The following ISX variants were observed in gnomAD, a reference collection of about 807,000 sequenced individuals.
ISX encodes intestine-specific homeobox.
ISX carries 15 observed loss-of-function variants against 16.9 expected under a neutral mutation model. The observed-to-expected ratio is 0.89, with a 90% CI of 0.59 to 1.36. The LOEUF (loss-of-function observed/expected upper bound fraction) is 1.36, where lower values mean the gene tolerates loss of function less well. Ranked by LOEUF, ISX falls within the 40% of genes most tolerant of loss-of-function variation. The pLI is 0.00. For missense variants in ISX, 316 were observed against 306.1 expected, an observed-to-expected ratio of 1.03 and a Z score of -0.24; for synonymous variants, 125 against 119.7, an observed-to-expected ratio of 1.04 and a Z score of -0.29.
Position 35,070,203 on chromosome 22 carries a change from C to A in ISX, c.229+2887C>A, listed in dbSNP as rs1275351482. Among the ~76,000 whole-genome samples the A allele has an allele frequency of 3.3e-5, 5 of 152,336 alleles. No individual in the cohort carries two copies. In the East Asian group the frequency reaches 9.6e-4, roughly 29 times the overall value. Reference sequence around the variant, plus strand: ...AGGTCCCCCCTGACATCTTCCCATTCCTGCAGGGACCTTCATGATCTATAG... The same window carrying A: ...AGGTCCCCCCTGACATCTTCCCATTACTGCAGGGACCTTCATGATCTATAG... On this transcript the variant is annotated intron_variant, in intron 2 of 4. Coordinates refer to ENST00000404699, the MANE Select transcript of ISX (RefSeq NM_001303508.2).
chr22:35,082,778 G>A, intron 3 of ISX, 109 bp downstream of exon 3: 1 of 1,139,942 alleles, frequency 8.8e-7, no homozygotes, highest in East Asian at 2.5e-5. Flanking sequence ...GTTTCTGTTG[G>A]CTTTATCCTG....
At chr22:35,071,015 T>G (rs771608304) in intron 2 of ISX, among the ~76,000 whole-genome samples, 1 of 152,176 alleles carries the variant, frequency 6.6e-6, no homozygotes, top group African/African-American at 2.4e-5. Context: ...CAGGCCAGAT[T>G]TGGCCCTCAT....
Position 35,085,715 on chromosome 22 carries a change from A to G in ISX, c.*22A>G. 1 of 1,613,800 alleles carries G rather than the reference A, an allele frequency of 6.2e-7. No individual in the cohort carries two copies. Among genetic ancestry groups the G allele is most frequent in the South Asian group, 1.1e-5 (1 of 91,070 alleles). Reference sequence around the variant, plus strand: ...ATAGAGATTGGACATGCTCTCCCCAAATGAGCCACTTTCCTCTCCAGGTGA... The same window carrying G: ...ATAGAGATTGGACATGCTCTCCCCAGATGAGCCACTTTCCTCTCCAGGTGA... On this transcript the variant is annotated 3_prime_UTR_variant, in exon 5 of 5. Transcript: ENST00000404699.
At position 35,067,190 on chromosome 22, in the gene ISX, G is replaced by T. The variant is rs1486327154; in HGVS notation, c.103G>T (p.Ala35Ser). 1 of 1,612,400 alleles carries T rather than the reference G, an allele frequency of 6.2e-7. No individual in the cohort carries two copies. The highest frequency in any genetic ancestry group is 8.5e-7 in the Non-Finnish European group (1 of 1,179,188). Reference protein sequence around the residue: ...KKLSLSFSIEAILKRPARRSD... With the variant: ...KKLSLSFSIESILKRPARRSD... Reference sequence around the variant, plus strand: ...GCTGAGCCTGTCCTTCTCCATTGAGGCGATCCTAAAGAGGCCTGCCAGGAG... The same window carrying T: ...GCTGAGCCTGTCCTTCTCCATTGAGTCGATCCTAAAGAGGCCTGCCAGGAG... Residue 35 changes from alanine (A) to serine (S), a missense_variant, in exon 2 of 5, where the codon GCG becomes TCG. Transcript: ENST00000404699.
chr22:35,085,754 A>C lies in ISX; in HGVS notation c.*61A>C. 1 of 1,607,294 alleles carries C rather than the reference A, an allele frequency of 6.2e-7. No individual in the cohort carries two copies. Among genetic ancestry groups the C allele is most frequent in the East Asian group, 2.2e-5 (1 of 44,816 alleles). ...CTCTCCAGGTGAAGGCAGGTAGCAG[A>C]TGTGCCCTGGGCCTCTGGGGAAATC... On this transcript the variant is annotated 3_prime_UTR_variant, in exon 5 of 5. Coordinates refer to ENST00000404699, the MANE Select transcript of ISX (RefSeq NM_001303508.2).
chr22:35,076,673 A>G (rs896483561), intron 2 of ISX, among the ~76,000 whole-genome samples: 2 of 152,226 alleles, frequency 1.3e-5, no homozygotes, highest in Non-Finnish European at 2.9e-5. Flanking sequence ...ACCAGGACCA[A>G]TTAGCAGACC....
At chr22:35,074,076 T>A (rs548868507) in intron 2 of ISX, among the ~76,000 whole-genome samples, 3 of 152,282 alleles carry the variant, frequency 2.0e-5, no homozygotes, top group African/African-American at 7.2e-5. Flanking sequence ...CCAGAACCAA[T>A]AATGTCATCA....
intron 2 of ISX, among the ~76,000 whole-genome samples, chr22:35,074,020 C>T (rs911612548): frequency 7.2e-5 from 11 of 152,160 alleles, no homozygotes; most frequent in Non-Finnish European, 1.5e-4. Context: ...CCAGACTAAG[C>T]CAGGTGAAGG....
intron 2 of ISX, among the ~76,000 whole-genome samples, chr22:35,071,752 G>A (rs1342444649): frequency 1.3e-5 from 2 of 152,234 alleles, no homozygotes; most frequent in Admixed American, 6.5e-5. Flanking sequence ...AGAAGCAGCA[G>A]AAAGGACCCC....
At position 35,086,512 on chromosome 22, in the gene ISX, C is replaced by T. The variant is rs542126570; in HGVS notation, c.*819C>T. The T allele has an allele frequency of 4.6e-5, 7 of 152,392 alleles. No homozygotes were observed. In the East Asian group the frequency reaches 1.2e-3, roughly 25 times the overall value. The allele number at this position is 152,392 out of a possible 1,614,324, so 9.4% of individuals were successfully genotyped here. On this transcript the variant is annotated 3_prime_UTR_variant, in exon 5 of 5. Transcript: ENST00000404699. ...ATATGAAAAGGGACCAGCTGGAAGA[C>T]TAGCCTCACTCTGTCCTCGAAAGCC...
At chr22:35,067,847 C>T (rs1406846168) in intron 2 of ISX, among the ~76,000 whole-genome samples, 1 of 152,158 alleles carries the variant, frequency 6.6e-6, no homozygotes, top group Non-Finnish European at 1.5e-5. Flanking sequence ...TGAAGCTTTG[C>T]CCAGGGGCCG....
rs1166635342 is a variant in ISX, at chr22:35,082,527, A to G, written c.239A>G (p.Lys80Arg). The G allele has an allele frequency of 3.1e-6, 5 of 1,614,048 alleles. No homozygotes were observed. Among genetic ancestry groups the G allele is most frequent in the Non-Finnish European group, 3.4e-6 (4 of 1,179,948 alleles). Residue 80 changes from lysine (K) to arginine (R), a missense_variant, in exon 3 of 5, where the codon AAG becomes AGG. By Grantham distance (26) the Lys-to-Arg change is conservative (BLOSUM62 2). Transcript: ENST00000404699. The part of the protein sequence containing the change: ...PPKDQPQEGR[K>R]SKRRVRTTFT... Reference sequence around the variant, plus strand: ...ACCCTCTCCCATGCAGAAGGAAGGAAGAGCAAGCGGAGGGTTCGTACCACC... The same window carrying G: ...ACCCTCTCCCATGCAGAAGGAAGGAGGAGCAAGCGGAGGGTTCGTACCACC...
At chr22:35,075,372 G>T (rs1159719413) in intron 2 of ISX, among the ~76,000 whole-genome samples, 1 of 152,180 alleles carries the variant, frequency 6.6e-6, no homozygotes, top group Admixed American at 6.5e-5. Flanking sequence ...CAAGAACTTT[G>T]GCCTTTATAT....
intron 2 of ISX, among the ~76,000 whole-genome samples, chr22:35,071,730 C>A (rs1226707493): frequency 6.6e-6 from 1 of 152,216 alleles, no homozygotes; most frequent in Non-Finnish European, 1.5e-5. Context: ...AGTGCTATCT[C>A]AGGAGACTGG....
chr22:35,076,039 A>ATTTT (rs536527092), intron 2 of ISX, among the ~76,000 whole-genome samples: 21 of 151,846 alleles, frequency 1.4e-4, no homozygotes, highest in African/African-American at 4.8e-4. Flanking sequence ...CTCATAGAAA[A>ATTTT]TTTTTTTTTA....
chr22:35,076,576 G>A (rs1216100872), intron 2 of ISX, among the ~76,000 whole-genome samples: 1 of 152,150 alleles, frequency 6.6e-6, no homozygotes, highest in East Asian at 1.9e-4. Context: ...GTCCTCCATG[G>A]TGAACCCACT....
At chr22:35,071,713 C>T (rs1249851630) in intron 2 of ISX, among the ~76,000 whole-genome samples, 1 of 152,162 alleles carries the variant, frequency 6.6e-6, no homozygotes, top group Non-Finnish European at 1.5e-5. Context: ...AGAGAAAGGG[C>T]CTCTTCAGTG....
chr22:35,081,323 GTA>G (rs1929118618), intron 2 of ISX, among the ~76,000 whole-genome samples: 1 of 152,204 alleles, frequency 6.6e-6, no homozygotes, highest in Non-Finnish European at 1.5e-5. Context: ...GGTCAACAAA[GTA>G]TTGGAGGCAG....
rs535302186 is a variant in ISX at position 35,067,225 on chromosome 22, G to A, written c.138G>A (p.Met46Ile). ...AGAGGCCTGCCAGGAGGAGTGATATGGACAGACCAGAAGGGCCAGGTGAAG... is the reference window on the plus strand; with the variant it reads ...AGAGGCCTGCCAGGAGGAGTGATATAGACAGACCAGAAGGGCCAGGTGAAG... ...ILKRPARRSD[M>I]DRPEGPGEEG... The change falls in exon 2 of 5, where the codon ATG (methionine) becomes ATA (isoleucine). Residue 46 changes from methionine (M) to isoleucine (I), a missense_variant. Physicochemically the swap from Met to Ile is conservative, Grantham distance 10 (BLOSUM62 1). Coordinates refer to ENST00000404699, the MANE Select transcript of ISX (RefSeq NM_001303508.2). The A allele has an allele frequency of 6.2e-7, 1 of 1,609,630 alleles. No homozygotes were observed. Among genetic ancestry groups the A allele is most frequent in the African/African-American group, 1.3e-5 (1 of 74,936 alleles).
Sources: allele counts gnomAD v4.1 joint callset (sites outside exome capture counted in the v4.1 genomes callset), GRCh38; gene constraint gnomAD v4.1.1; transcripts MANE v1.5; gene names NCBI Gene and HGNC (gene_info 2026-07-23, HGNC 2026-07-21).